Variants in UBE2R2 observed in about 807,000 individuals in gnomAD.
UBE2R2 encodes ubiquitin-conjugating enzyme E2 R2.
In UBE2R2, 1 loss-of-function variant was observed where a neutral mutation model predicts 27.8. The ratio of observed to expected loss-of-function variants is 0.04; its 90% confidence interval spans 0.01 to 0.17. The LOEUF is 0.17. Ranked by LOEUF, UBE2R2 falls within the 10% of genes least tolerant of loss-of-function variation. The pLI is 1.00. For missense variants in UBE2R2, 100 were observed against 291.0 expected, an observed-to-expected ratio of 0.34 and a Z score of 4.78; for synonymous variants, 106 against 113.3, an observed-to-expected ratio of 0.94 and a Z score of 0.41.
chr9:33,889,380 A>G (rs1394397090), intron 2 of UBE2R2, among the ~76,000 whole-genome samples: 2 of 150,832 alleles, frequency 1.3e-5, no homozygotes, highest in Admixed American at 1.3e-4. Context: ...CTTTTTTTTT[A>G]TTTTTAGTAG....
intron 1 of UBE2R2, among the ~76,000 whole-genome samples, chr9:33,875,723 C>T (rs193046713): frequency 6.9e-4 from 105 of 152,202 alleles, no homozygotes; most frequent in African/African-American, 2.4e-3. Context: ...GACCTAAGGT[C>T]AGAGGCCTAG....
chr9:33,911,953 C>T lies in UBE2R2; in HGVS notation c.363-11C>T, dbSNP rs1372630587. On this transcript the variant is annotated splice_polypyrimidine_tract_variant and intron_variant, in intron 3 of 4. Coordinates refer to ENST00000263228, the MANE Select transcript of UBE2R2 (RefSeq NM_017811.4). ...GGGTATTCATAGCTGATCCTTTTTT[C>T]CTGTTTCTAGGACTATCCTATTAAG... 6 of 1,599,356 alleles carry T rather than the reference C, an allele frequency of 3.8e-6. No individual in the cohort carries two copies. The highest frequency in any genetic ancestry group is 3.5e-5 in the Admixed American group (2 of 56,922).
At chr9:33,915,086 C>T (rs905750365) in intron 4 of UBE2R2, among the ~76,000 whole-genome samples, 13 of 150,118 alleles carry the variant, frequency 8.7e-5, no homozygotes, top group African/African-American at 3.2e-4. Context: ...GCTGAGATTG[C>T]GTCACTGTGC....
chr9:33,877,715 T>C (rs2790726), intron 1 of UBE2R2, among the ~76,000 whole-genome samples: 2 of 152,026 alleles, frequency 1.3e-5, no homozygotes, highest in African/African-American at 4.8e-5. Flanking sequence ...GCTGGTAGTA[T>C]TATAATCTAA....
At chr9:33,858,239 A>G (rs1489156635) in intron 1 of UBE2R2, among the ~76,000 whole-genome samples, 1 of 152,184 alleles carries the variant, frequency 6.6e-6, no homozygotes, top group East Asian at 1.9e-4. Flanking sequence ...GTAGCTTGCC[A>G]TTATCAAAAG....
intron 1 of UBE2R2, among the ~76,000 whole-genome samples, chr9:33,880,502 C>A (rs2130789937): frequency 6.6e-6 from 1 of 152,044 alleles, no homozygotes; most frequent in East Asian, 1.9e-4. Context: ...TGTATTATGT[C>A]ATTTCTTTAA....
chr9:33,861,843 C>CTTTCTTTT (rs1471265207), intron 1 of UBE2R2, among the ~76,000 whole-genome samples: 1 of 138,748 alleles, frequency 7.2e-6, no homozygotes, highest in East Asian at 2.2e-4. Context: ...TGTTGATCCA[C>CTTTCTTTT]TTTCTTTTTT....
intron 1 of UBE2R2, among the ~76,000 whole-genome samples, chr9:33,864,938 G>A (rs935409396): frequency 6.6e-6 from 1 of 151,960 alleles, no homozygotes; most frequent in Non-Finnish European, 1.5e-5. Context: ...TTGGCTGGCT[G>A]GTCTTGAACT....
chr9:33,893,070 C>T (rs769994073), intron 2 of UBE2R2, among the ~76,000 whole-genome samples: 3 of 152,108 alleles, frequency 2.0e-5, no homozygotes, highest in Non-Finnish European at 4.4e-5. Flanking sequence ...AAGACTGTAT[C>T]CTTCATTCAT....
rs370734021 is a variant in UBE2R2, at chr9:33,918,026, G to C, written c.*789G>C. The C allele has an allele frequency of 1.3e-5, 2 of 153,678 alleles. No individual in the cohort carries two copies. Among genetic ancestry groups the C allele is most frequent in the Non-Finnish European group, 2.9e-5 (2 of 68,022 alleles). 9.5% of individuals were successfully genotyped at this position (153,678 alleles called of 1,614,324 possible). ...GGTTGCTATTTATTTTAAAGGCAGGGTTATTTCCCCCCAGGGAGTGGGGCA... is the reference window on the plus strand; with the variant it reads ...GGTTGCTATTTATTTTAAAGGCAGGCTTATTTCCCCCCAGGGAGTGGGGCA... On this transcript the variant is annotated 3_prime_UTR_variant, in exon 5 of 5. Transcript: ENST00000263228.
chr9:33,817,904 C>T lies in UBE2R2; in HGVS notation c.147C>T (p.Pro49=), dbSNP rs1272715890. 6.2e-7 allele frequency: 1 copy of T among 1,611,248 alleles called. No homozygotes were observed. Residue 49 remains proline, a synonymous_variant, in exon 1 of 5, where the codon CCC becomes CCT. Transcript: ENST00000263228. ...GGGAGGTGGCCATCTTCGGACCCCC[C>T]AACACCCTCTACGAAGGCGGCTACT... ...YNWEVAIFGP[P]NTLYEGGYFK...
At chr9:33,907,238 T>C (rs1206259474) in intron 3 of UBE2R2, among the ~76,000 whole-genome samples, 2 of 152,228 alleles carry the variant, frequency 1.3e-5, no homozygotes, top group Non-Finnish European at 2.9e-5. Context: ...ATCTGAAATA[T>C]GAACCTCAAG....
chr9:33,857,350 AC>A (rs1821130175), intron 1 of UBE2R2, among the ~76,000 whole-genome samples: 1 of 151,606 alleles, frequency 6.6e-6, no homozygotes, highest in Non-Finnish European at 1.5e-5. Flanking sequence ...ATGGAGTCTC[AC>A]TCTGTTGCCC....
intron 4 of UBE2R2, among the ~76,000 whole-genome samples, chr9:33,913,203 C>T (rs1454913286): frequency 6.6e-6 from 1 of 152,168 alleles, no homozygotes; most frequent in African/African-American, 2.4e-5. Flanking sequence ...TCATGATCCA[C>T]CCGCCTTGGC....
chr9:33,869,812 AT>A (rs1185128740), intron 1 of UBE2R2, among the ~76,000 whole-genome samples: 1 of 151,420 alleles, frequency 6.6e-6, no homozygotes, highest in Non-Finnish European at 1.5e-5. Context: ...TTGCCTAGAT[AT>A]TTTTTATTTT....
intron 1 of UBE2R2, among the ~76,000 whole-genome samples, chr9:33,839,954 C>CCATT (rs1563984588): frequency 6.6e-6 from 1 of 151,884 alleles, no homozygotes; most frequent in African/African-American, 2.4e-5. Context: ...TATGATTGTG[C>CCATT]CATTGTACTC....
rs141122609 is a variant in UBE2R2 at position 33,885,266 on chromosome 9, T to C, written c.178-1615T>C. ...AGCTCTACACATTGTCATGGTATTA[T>C]AGACTCACAATAATTTGTCAGAGCT... On this transcript the variant is annotated intron_variant, in intron 1 of 4. Transcript: ENST00000263228. Among the ~76,000 whole-genome samples, 297 of 152,348 alleles carry C rather than the reference T, an allele frequency of 1.9e-3. 2 individuals carry two copies. Among genetic ancestry groups the C allele is most frequent in the African/African-American group, 6.8e-3 (282 of 41,586 alleles).
chr9:33,856,809 C>T (rs758892722), intron 1 of UBE2R2, among the ~76,000 whole-genome samples: 1 of 148,640 alleles, frequency 6.7e-6, no homozygotes, highest in Non-Finnish European at 1.5e-5. Flanking sequence ...TTCTGTCCTT[C>T]CGTCCTTCCA....
Position 33,817,802 on chromosome 9 carries a change from C to G in UBE2R2, c.45C>G (p.Leu15=), listed in dbSNP as rs745554756. The G allele has an allele frequency of 8.7e-6, 14 of 1,610,766 alleles. No individual in the cohort carries two copies. In the East Asian group the frequency reaches 1.8e-4, roughly 21 times the overall value. ...CCAGCTCGCAGAAGGCCCTGATGCT[C>G]GAGCTGAAATCCCTGCAGGAGGAAC... The part of the protein sequence containing the change: ...QMTSSQKALM[L]ELKSLQEEPV... The change falls in exon 1 of 5, where the codon CTC becomes CTG. Residue 15 remains leucine, a synonymous_variant. Transcript: ENST00000263228.
Sources: allele counts gnomAD v4.1 joint callset (sites outside exome capture counted in the v4.1 genomes callset), GRCh38; gene constraint gnomAD v4.1.1; transcripts MANE v1.5; gene names NCBI Gene and HGNC (gene_info 2026-07-23, HGNC 2026-07-21).